Variants in SLC24A2 observed in about 807,000 individuals in gnomAD.
SLC24A2 encodes sodium/potassium/calcium exchanger 2.
A neutral mutation model predicts 62.0 loss-of-function variants in SLC24A2; 36 were observed. The observed-to-expected ratio is 0.58, with a 90% CI of 0.44 to 0.77. The LOEUF is 0.77. Among genes scored for constraint, SLC24A2 ranks in the 30% least tolerant of loss-of-function variants. The probability of loss-of-function intolerance (pLI) is 0.00; values close to 1 mark genes in which losing one functional copy is unlikely to be tolerated. For missense variants in SLC24A2, 846 were observed against 817.9 expected (o/e 1.03, Z -0.42); for synonymous variants, 358 against 294.0 (o/e 1.22, Z -2.23).
At chr9:20,145,037 A>G in the SLC24A2 span, among the ~76,000 whole-genome samples, 1 of 152,168 alleles carries the variant, frequency 6.6e-6, no homozygotes, top group Non-Finnish European at 1.5e-5. Flanking sequence ...AGCAGCAACT[A>G]CTTATCAAGT....
intron 2 of SLC24A2, among the ~76,000 whole-genome samples, chr9:19,756,903 CTTTTTTT>C (rs780450451): frequency 3.8e-5 from 3 of 78,522 alleles, no homozygotes; most frequent in African/African-American, 1.5e-4. Flanking sequence ...TTTACTGAAG[CTTTTTTT>C]TTTTTTTTTT....
intron 8 of SLC24A2, among the ~76,000 whole-genome samples, chr9:19,529,060 T>C (rs1833569144): frequency 6.6e-6 from 1 of 152,136 alleles, no homozygotes; most frequent in South Asian, 2.1e-4. Context: ...TGTTGAAAAA[T>C]TGGGGTCTTT....
chr9:19,746,669 C>G (rs976313363), intron 2 of SLC24A2, among the ~76,000 whole-genome samples: 1 of 152,012 alleles, frequency 6.6e-6, no homozygotes, highest in South Asian at 2.1e-4. Flanking sequence ...TATTTCTGTC[C>G]TCACTTGTTT....
chr9:20,121,093 T>G, the SLC24A2 span, among the ~76,000 whole-genome samples: 1 of 145,514 alleles, frequency 6.9e-6, no homozygotes, highest in East Asian at 2.0e-4. Context: ...AGTCTTTTTT[T>G]CAAAATTGTT....
chr9:19,701,431 C>T (rs557023367), intron 2 of SLC24A2, among the ~76,000 whole-genome samples: 21 of 152,182 alleles, frequency 1.4e-4, no homozygotes, highest in African/African-American at 5.1e-4. Context: ...GGAGTTGATA[C>T]ATAAACAGTC....
chr9:19,716,508 T>A (rs1292761654), intron 2 of SLC24A2, among the ~76,000 whole-genome samples: 2 of 152,236 alleles, frequency 1.3e-5, no homozygotes, highest in Non-Finnish European at 1.5e-5. Flanking sequence ...AGTGACATTC[T>A]CCTGTGATCC....
the SLC24A2 span, among the ~76,000 whole-genome samples, chr9:20,077,717 T>C: frequency 1.5e-3 from 225 of 152,314 alleles, no homozygotes; most frequent in South Asian, 0.02. Context: ...GAAACCTCTA[T>C]TTACTTGAGA....
At chr9:20,069,261 C>T in the SLC24A2 span, among the ~76,000 whole-genome samples, 1 of 152,268 alleles carries the variant, frequency 6.6e-6, no homozygotes, top group Admixed American at 6.5e-5. Context: ...GTTTTATTAG[C>T]TTTTAAGACA....
At chr9:20,187,121 C>G in the SLC24A2 span, among the ~76,000 whole-genome samples, 1 of 152,164 alleles carries the variant, frequency 6.6e-6, no homozygotes. Context: ...CATCCCCATC[C>G]CATCCCATCC....
intron 2 of SLC24A2, among the ~76,000 whole-genome samples, chr9:19,747,276 C>T (rs1821859010): frequency 6.6e-6 from 1 of 152,020 alleles, no homozygotes; most frequent in African/African-American, 2.4e-5. Flanking sequence ...CTATCATTCC[C>T]ATGTACTTTT....
chr9:19,594,863 T>C (rs1240748706), intron 5 of SLC24A2, among the ~76,000 whole-genome samples: 3 of 152,226 alleles, frequency 2.0e-5, no homozygotes, highest in Non-Finnish European at 4.4e-5. Context: ...CTGAGGTTAC[T>C]GAGCTGGCTT....
chr9:19,686,665 G>A (rs904122263), intron 2 of SLC24A2, among the ~76,000 whole-genome samples: 13 of 152,018 alleles, frequency 8.6e-5, no homozygotes, highest in East Asian at 1.9e-4. Flanking sequence ...CCTTCCTGCC[G>A]TCATGTGAAG....
chr9:20,181,947 C>T, the SLC24A2 span, among the ~76,000 whole-genome samples: 1 of 151,994 alleles, frequency 6.6e-6, no homozygotes, highest in Non-Finnish European at 1.5e-5. Flanking sequence ...AAGAAAAAAC[C>T]CCATTGAAAA....
At position 19,636,327 on chromosome 9, in the gene SLC24A2, C is replaced by CTTTTCTT; in HGVS notation, c.931-14029_931-14028insAAGAAAA. Among the ~76,000 whole-genome samples the CTTTTCTT allele has an allele frequency of 9.6e-5, 2 of 20,748 alleles. 1 individual carries two copies. The highest frequency in any genetic ancestry group is 1.9e-3 in the East Asian group (2 of 1,044). 13.6% of individuals were successfully genotyped at this position (20,748 alleles called of 152,430 possible). On this transcript the variant is annotated intron_variant, in intron 2 of 10. Coordinates refer to ENST00000341998, the MANE Select transcript of SLC24A2 (RefSeq NM_020344.4). ...TTCTTTTCTTTTCTTTTCTTTCTTT[C>CTTTTCTT]TTTCTTTCTTTCTTTCTTTCTTTCT...
At chr9:19,943,662 T>C in the SLC24A2 span, among the ~76,000 whole-genome samples, 1 of 152,230 alleles carries the variant, frequency 6.6e-6, no homozygotes, top group Non-Finnish European at 1.5e-5. Context: ...TCTGCTAATC[T>C]ATCTGTATTT....
the SLC24A2 span, among the ~76,000 whole-genome samples, chr9:20,026,515 G>A: frequency 6.6e-5 from 10 of 152,168 alleles, no homozygotes; most frequent in East Asian, 7.7e-4. Context: ...ACTCCATTGC[G>A]TGCCCCAGTT....
the SLC24A2 span, among the ~76,000 whole-genome samples, chr9:19,994,819 A>G: frequency 6.6e-6 from 1 of 152,190 alleles, no homozygotes; most frequent in South Asian, 2.1e-4. Context: ...AGCTTATGCT[A>G]TTGAAGCCTT....
At chr9:19,846,237 A>G in the SLC24A2 span, among the ~76,000 whole-genome samples, 1,576 of 152,188 alleles carry the variant, frequency 0.01, 29 homozygotes, top group African/African-American at 0.036. Flanking sequence ...ATCTTTTTGT[A>G]GGTTTAGAAG....
chr9:19,959,448 C>T, the SLC24A2 span, among the ~76,000 whole-genome samples: 9 of 152,156 alleles, frequency 5.9e-5, no homozygotes, highest in Admixed American at 2.6e-4. Flanking sequence ...TAAGGTGCCA[C>T]GGTGATTTAT....
Sources: gnomAD v4.1 joint callset for allele counts (sites outside exome capture counted in the v4.1 genomes callset) on GRCh38, gnomAD v4.1.1 for gene constraint, MANE v1.5 for transcripts, NCBI Gene and HGNC (gene_info 2026-07-23, HGNC 2026-07-21) for gene names.